Variants in CTDSPL observed in about 807,000 individuals in gnomAD.
CTDSPL encodes CTD small phosphatase-like protein.
In CTDSPL, 8 loss-of-function variants were observed where a neutral mutation model predicts 30.5. The ratio of observed to expected loss-of-function variants is 0.26; its 90% CI spans 0.15 to 0.47. CTDSPL has a LOEUF of 0.47. Ranked by LOEUF, CTDSPL falls within the 20% of genes least tolerant of loss-of-function variation. The pLI, the probability that CTDSPL is intolerant of heterozygous loss-of-function variation, is 0.99. For synonymous variants in CTDSPL, 110 were observed against 137.9 expected (o/e 0.80, Z 1.42); for missense variants, 248 against 366.1 (o/e 0.68, Z 2.63).
chr3:37,897,325 T>C lies in CTDSPL; in HGVS notation c.79+35047T>C, dbSNP rs116015060. The stretch of plus-strand genomic sequence containing the variant: ...AGGGGGAAGCTTACCAAGTTTCTCA[T>C]GAAGACCTAGTAGTTCTGCACATGT... On this transcript the variant is annotated intron_variant, in intron 1 of 7. Transcript: ENST00000273179. 3.5e-3 allele frequency among the ~76,000 whole-genome samples: 526 copies of C among 152,322 alleles called. 3 individuals carry two copies. Among genetic ancestry groups the C allele is most frequent in the African/African-American group, 0.012 (501 of 41,574 alleles).
intron 1 of CTDSPL, among the ~76,000 whole-genome samples, chr3:37,925,208 G>C (rs1698767764): frequency 6.6e-6 from 1 of 152,132 alleles, no homozygotes; most frequent in Non-Finnish European, 1.5e-5. Flanking sequence ...TGACCCCTCT[G>C]AATATTTGCC....
chr3:37,984,295 G>GTT lies in CTDSPL; in HGVS notation c.*3428_*3429insTT, dbSNP rs781063196. The GTT allele has an allele frequency of 4.4e-6, 2 of 456,908 alleles. No individual in the cohort carries two copies. Among genetic ancestry groups the GTT allele is most frequent in the South Asian group, 3.1e-5 (2 of 64,570 alleles). The allele number at this position is 456,908 out of a possible 1,614,324, so 28.3% of individuals were successfully genotyped here. On this transcript the variant is annotated 3_prime_UTR_variant, in exon 8 of 8. Coordinates refer to ENST00000273179, the MANE Select transcript of CTDSPL (RefSeq NM_001008392.2). ...ACCCTCCCCCACCCCGGGTAGTGGA[G>GTT]ATGCTGGTGTCTGGGTAGTCATGGA...
chr3:37,887,439 T>A (rs1242838498), intron 1 of CTDSPL, among the ~76,000 whole-genome samples: 1 of 152,140 alleles, frequency 6.6e-6, no homozygotes, highest in Non-Finnish European at 1.5e-5. Context: ...GTTTGTATAG[T>A]GATGAGGGCA....
chr3:37,924,280 T>A lies in CTDSPL; in HGVS notation c.80-22777T>A, dbSNP rs115510408. Among the ~76,000 whole-genome samples, 515 of 152,238 alleles carry A rather than the reference T, an allele frequency of 3.4e-3. 3 individuals are homozygous for A. The highest frequency in any genetic ancestry group is 0.012 in the African/African-American group (499 of 41,494). On this transcript the variant is annotated intron_variant, in intron 1 of 7. Coordinates refer to ENST00000273179, the MANE Select transcript of CTDSPL (RefSeq NM_001008392.2). ...TCTAGGGCTGCCATTTGCTTTTCTC[T>A]TCATTATGGTTACTGTCCCACAATT...
In CTDSPL at chr3:37,938,680, T is replaced by G. The variant is rs1049437309; in HGVS notation, c.80-8377T>G. On this transcript the variant is annotated intron_variant, in intron 1 of 7. Transcript: ENST00000273179. ...TTCATGTTTTTTGTTTTTTTGTGGG[T>G]TTTTTTTTTGTTTTTTTTGAAATGG... 5.0e-4 allele frequency among the ~76,000 whole-genome samples: 46 copies of G among 92,648 alleles called. 2 individuals carry two copies. Among genetic ancestry groups the G allele is most frequent in the Non-Finnish European group, 6.7e-4 (31 of 46,280 alleles). 60.8% of individuals were successfully genotyped at this position (92,648 alleles called of 152,430 possible).
chr3:37,913,019 A>G (rs1211280301), intron 1 of CTDSPL, among the ~76,000 whole-genome samples: 2 of 152,220 alleles, frequency 1.3e-5, no homozygotes, highest in South Asian at 2.1e-4. Flanking sequence ...TGATGAGTGT[A>G]TAAATGAAAA....
At chr3:37,980,413 A>G (rs1356852668) in intron 7 of CTDSPL, among the ~76,000 whole-genome samples, 2 of 152,240 alleles carry the variant, frequency 1.3e-5, no homozygotes, top group Non-Finnish European at 2.9e-5. Flanking sequence ...TGTGCAGTAG[A>G]AAGAGCTTTT....
At chr3:37,926,270 G>A (rs144940415) in intron 1 of CTDSPL, among the ~76,000 whole-genome samples, 1 of 152,310 alleles carries the variant, frequency 6.6e-6, no homozygotes, top group East Asian at 1.9e-4. Flanking sequence ...GCTAGTCAGA[G>A]ATCTTCATCA....
chr3:37,890,547 G>T (rs529369210), intron 1 of CTDSPL, among the ~76,000 whole-genome samples: 57 of 152,262 alleles, frequency 3.7e-4, no homozygotes, highest in African/African-American at 1.4e-3. Context: ...TCAGCAATTT[G>T]ATTTAAACCA....
At chr3:37,940,104 T>G (rs1698961592) in intron 1 of CTDSPL, among the ~76,000 whole-genome samples, 1 of 149,858 alleles carries the variant, frequency 6.7e-6, no homozygotes. Context: ...AAAAAAAAGC[T>G]ATTTCTATAC....
rs111575729 is a variant in CTDSPL, at chr3:37,874,732, A to AAAT, written c.79+12475_79+12477dup. ...CGACAGAGCGAGACTCTGTCTCAAAAAATAATAATAATAATAATAATAAAT... is the reference window on the plus strand; with the variant it reads ...CGACAGAGCGAGACTCTGTCTCAAAAAATAATAATAATAATAATAATAATAAAT... On this transcript the variant is annotated intron_variant, in intron 1 of 7. Transcript: ENST00000273179. 2.3e-3 allele frequency among the ~76,000 whole-genome samples: 345 copies of AAAT among 151,720 alleles called. 3 individuals are homozygous for AAAT. Among genetic ancestry groups the AAAT allele is most frequent in the African/African-American group, 7.0e-3 (290 of 41,402 alleles).
At chr3:37,948,616 A>G (rs896798059) in intron 2 of CTDSPL, among the ~76,000 whole-genome samples, 1 of 152,198 alleles carries the variant, frequency 6.6e-6, no homozygotes, top group African/African-American at 2.4e-5. Context: ...AAGGCTGAGA[A>G]CACTACTGTT....
Position 37,958,391 on chromosome 3 carries a change from A to G in CTDSPL, c.267+1248A>G, listed in dbSNP as rs543622327. ...CCAGAGTTTGAGGAAGATGCTCAGC[A>G]GAGTTAATACCAGAAGACTCTTTAA... On this transcript the variant is annotated intron_variant, in intron 3 of 7. Coordinates refer to ENST00000273179, the MANE Select transcript of CTDSPL (RefSeq NM_001008392.2). Among the ~76,000 whole-genome samples the G allele has an allele frequency of 2.0e-5, 3 of 152,312 alleles. No individual in the cohort carries two copies. In the South Asian group the frequency reaches 6.2e-4, roughly 32 times the overall value.
Position 37,975,634 on chromosome 3 carries a change from G to T in CTDSPL, c.520-75G>T. On this transcript the variant is annotated intron_variant, in intron 6 of 7. Transcript: ENST00000273179. This position sits in a 1 kb window ranked among gnomAD's most constrained non-coding sequence, Gnocchi z 4.9. ...ATCCATTTTTAAAAAACGTAATCTG[G>T]ATCTTGCTGCTGTAGTTCAGGGTTT... is the stretch of plus-strand genomic sequence containing the variant. 7.6e-7 allele frequency: 1 copy of T among 1,316,804 alleles called. No individual in the cohort carries two copies. 81.6% of individuals were successfully genotyped at this position (1,316,804 alleles called of 1,614,324 possible).
intron 1 of CTDSPL, among the ~76,000 whole-genome samples, chr3:37,901,773 G>C (rs1698453096): frequency 6.6e-6 from 1 of 152,100 alleles, no homozygotes; most frequent in African/African-American, 2.4e-5. Flanking sequence ...GACTTAGGCA[G>C]GTGTATGCAA....
At chr3:37,889,797 A>G (rs1474262820) in intron 1 of CTDSPL, among the ~76,000 whole-genome samples, 2 of 152,244 alleles carry the variant, frequency 1.3e-5, no homozygotes, top group East Asian at 3.8e-4. Flanking sequence ...TCTGAATGCT[A>G]TCAGGTTTTT....
At position 37,967,829 on chromosome 3, in the gene CTDSPL, A is replaced by G. The variant is rs758744550; in HGVS notation, c.373A>G (p.Ile125Val). Reference protein sequence around the residue: ...ETLVHSSFKPISNADFIVPVE... With the variant: ...ETLVHSSFKPVSNADFIVPVE... ...TTATAGTCTCTTTTTTCTCTAGCCTATTAGTAATGCTGATTTTATTGTTCC... is the reference window on the plus strand; with the variant it reads ...TTATAGTCTCTTTTTTCTCTAGCCTGTTAGTAATGCTGATTTTATTGTTCC... The change falls in exon 5 of 8, where the codon ATT (isoleucine) becomes GTT (valine). Residue 125 changes from isoleucine (I) to valine (V), a missense_variant. Ile to Val is a conservative substitution (Grantham distance 29). Transcript: ENST00000273179. 5.0e-6 allele frequency: 8 copies of G among 1,591,054 alleles called. No homozygotes were observed. Among genetic ancestry groups the G allele is most frequent in the East Asian group, 2.2e-5 (1 of 44,510 alleles).
chr3:37,902,038 G>T (rs1698456001), intron 1 of CTDSPL, among the ~76,000 whole-genome samples: 1 of 152,162 alleles, frequency 6.6e-6, no homozygotes, highest in African/African-American at 2.4e-5. Flanking sequence ...GGAAAAAGTA[G>T]AGAAGGAGGA....
At chr3:37,964,032 TAAAAAAAAAAAAAAAAAAAAAAAA>T (rs58061973) in intron 3 of CTDSPL, among the ~76,000 whole-genome samples, 3 of 22,990 alleles carry the variant, frequency 1.3e-4, no homozygotes, top group East Asian at 2.2e-3. Flanking sequence ...TCTCAGTCAC[TAAAAAAAAAAAAAAAAAAAAAAAA>T]AAAAAAAAAA....
Sources: gnomAD v4.1 joint callset for allele counts (sites outside exome capture counted in the v4.1 genomes callset) on GRCh38, gnomAD v4.1.1 for gene constraint, Gnocchi (gnomAD v3.1) non-coding constraint, MANE v1.5 for transcripts, NCBI Gene and HGNC (gene_info 2026-07-23, HGNC 2026-07-21) for gene names.